ACBD6: variants seen among roughly 807,000 people sequenced by gnomAD.
ACBD6 encodes the protein acyl-CoA binding domain containing 6, also known as acyl-CoA-binding domain-containing protein 6.
In ACBD6, 28 loss-of-function variants were observed where a neutral mutation model predicts 37.2. The observed-to-expected ratio is 0.75, with a 90% CI of 0.56 to 1.03. The LOEUF is 1.03. ACBD6 is among the 50% of genes least tolerant of loss of function. The pLI, the probability that ACBD6 is intolerant of heterozygous loss-of-function variation, is 0.00. For missense variants in ACBD6, 340 were observed against 337.4 expected, an observed-to-expected ratio of 1.01 and a Z score of -0.06; for synonymous variants, 113 against 126.8, an observed-to-expected ratio of 0.89 and a Z score of 0.73.
chr1:180,444,518 T>G (rs1210139892), intron 3 of ACBD6, among the ~76,000 whole-genome samples: 1 of 152,222 alleles, frequency 6.6e-6, no homozygotes, highest in Non-Finnish European at 1.5e-5. Flanking sequence ...CCTGCCATTA[T>G]CAGATTGAAT....
chr1:180,406,471 T>C (rs1647631420), intron 5 of ACBD6, among the ~76,000 whole-genome samples: 1 of 152,128 alleles, frequency 6.6e-6, no homozygotes, highest in African/African-American at 2.4e-5. Flanking sequence ...GAATTATACT[T>C]ATGTACAATA....
At chr1:180,410,766 T>C (rs927543708) in intron 5 of ACBD6, among the ~76,000 whole-genome samples, 7 of 152,260 alleles carry the variant, frequency 4.6e-5, no homozygotes, top group African/African-American at 1.7e-4. Flanking sequence ...TGTTGTTTTC[T>C]TGTTTGCTAA....
intron 6 of ACBD6, among the ~76,000 whole-genome samples, chr1:180,362,255 T>C (rs1652880832): frequency 6.6e-6 from 1 of 152,208 alleles, no homozygotes; most frequent in South Asian, 2.1e-4. Context: ...ATTACGTGCA[T>C]TTAAAAAGTA....
At chr1:180,285,909 T>C (rs1353659427), downstream of ACBD6, among the ~76,000 whole-genome samples, 3 of 152,186 alleles carry the variant, frequency 2.0e-5, no homozygotes, top group Non-Finnish European at 4.4e-5. Context: ...GCCAGTTGGC[T>C]GACTTCTTAC....
intron 3 of ACBD6, chr1:180,435,149 G>A (rs1648972181): frequency 1.4e-6 from 1 of 710,618 alleles, no homozygotes; most frequent in African/African-American, 1.8e-5. Flanking sequence ...GGTACAAGCA[G>A]AAGCACATTA....
At chr1:180,415,258 G>A (rs879463538) in intron 4 of ACBD6, among the ~76,000 whole-genome samples, 3 of 151,292 alleles carry the variant, frequency 2.0e-5, no homozygotes, top group Admixed American at 6.6e-5. Flanking sequence ...TTAGCCAGGC[G>A]TGGTGACACG....
At chr1:180,308,406 T>C (rs1414364210) in intron 7 of ACBD6, among the ~76,000 whole-genome samples, 2 of 152,230 alleles carry the variant, frequency 1.3e-5, no homozygotes, top group Admixed American at 6.5e-5. Context: ...TTGTACTGTA[T>C]AGGTTGAGGA....
rs572471996 is a variant in ACBD6, at chr1:180,407,031, A to C, written c.573+6335T>G. On this transcript the variant is annotated intron_variant, in intron 5 of 7. Coordinates refer to ENST00000367595, the MANE Select transcript of ACBD6 (RefSeq NM_032360.4). ...TTTGCTAGAGCTTTAAATGTGATGA[A>C]GCAATACTATTTATTTTATTTTGGG... Among the ~76,000 whole-genome samples the C allele has an allele frequency of 3.9e-5, 6 of 152,212 alleles. No homozygotes were observed. The South Asian group carries it at 8.3e-4, about 21-fold the overall frequency.
intron 5 of ACBD6, among the ~76,000 whole-genome samples, chr1:180,412,444 T>C (rs1647900382): frequency 6.6e-6 from 1 of 152,214 alleles, no homozygotes; most frequent in Non-Finnish European, 1.5e-5. Flanking sequence ...CAGTAATCTT[T>C]CACAGCATCA....
intron 7 of ACBD6, among the ~76,000 whole-genome samples, chr1:180,296,119 G>T (rs933079576): frequency 6.6e-6 from 1 of 152,130 alleles, no homozygotes; most frequent in Non-Finnish European, 1.5e-5. Flanking sequence ...CCTTATTGCT[G>T]ATTTAGAAAA....
At chr1:180,460,018 A>G (rs1009599113) in intron 3 of ACBD6, among the ~76,000 whole-genome samples, 3 of 137,706 alleles carry the variant, frequency 2.2e-5, no homozygotes, top group African/African-American at 8.1e-5. Context: ...TTTAGGGTAC[A>G]TGTGCACAAC....
intron 2 of ACBD6, among the ~76,000 whole-genome samples, chr1:180,493,827 A>AT (rs1157770873): frequency 6.6e-6 from 1 of 152,156 alleles, no homozygotes; most frequent in Non-Finnish European, 1.5e-5. Flanking sequence ...CATTGTTGGT[A>AT]TTTTTTAAGA....
At position 180,502,224 on chromosome 1, in the gene ACBD6, T is replaced by C; in HGVS notation, c.43A>G (p.Ser15Gly). 6.2e-7 allele frequency: 1 copy of C among 1,613,854 alleles called. No homozygotes were observed. Among genetic ancestry groups the C allele is most frequent in the South Asian group, 1.1e-5 (1 of 91,078 alleles). Residue 15 changes from serine to glycine, a missense_variant, in exon 1 of 8, where the codon AGC (serine) becomes GGC (glycine). Physicochemically the swap from Ser to Gly is moderately conservative, Grantham distance 56. Coordinates refer to ENST00000367595, the MANE Select transcript of ACBD6 (RefSeq NM_032360.4). Reference protein sequence around the residue: ...FLPAGAITGDSGGELSSGDDS... With the variant: ...FLPAGAITGDGGGELSSGDDS... ...TCCCCTGAGCTCAGCTCTCCACCGC[T>C]GTCGCCGGTGATGGCCCCCGCGGGC...
Position 180,376,628 on chromosome 1 carries a change from C to T in ACBD6, c.663+20888G>A, listed in dbSNP as rs115328102. On this transcript the variant is annotated intron_variant, in intron 6 of 7. Transcript: ENST00000367595. Reference sequence around the variant, plus strand: ...AAAAAAAATGGGATATGAAAATGTGCACATACTCTCTCACTAGTGCAAAAT... The same window carrying T: ...AAAAAAAATGGGATATGAAAATGTGTACATACTCTCTCACTAGTGCAAAAT... Among the ~76,000 whole-genome samples, 1,063 of 152,090 alleles carry T rather than the reference C, an allele frequency of 7.0e-3. 14 individuals carry two copies. Among genetic ancestry groups the T allele is most frequent in the African/African-American group, 0.025 (1,026 of 41,464 alleles).
chr1:180,317,248 A>T (rs1342335018), intron 6 of ACBD6, among the ~76,000 whole-genome samples: 1 of 152,240 alleles, frequency 6.6e-6, no homozygotes, highest in African/African-American at 2.4e-5. Flanking sequence ...AGCTAGACAC[A>T]AAAGGACAAA....
chr1:180,422,943 T>C lies in ACBD6; in HGVS notation c.467+7237A>G, dbSNP rs114413593. On this transcript the variant is annotated intron_variant, in intron 4 of 7. Coordinates refer to ENST00000367595, the MANE Select transcript of ACBD6 (RefSeq NM_032360.4). ...TGTACTACAGTTAATTTCATGCAGT[T>C]ATGATTTAATACTGCATCTTTGCTT... 5.6e-3 allele frequency among the ~76,000 whole-genome samples: 850 copies of C among 152,342 alleles called. 8 individuals are homozygous for C. Among genetic ancestry groups the C allele is most frequent in the Non-Finnish European group, 9.7e-3 (661 of 68,018 alleles).
intron 7 of ACBD6, among the ~76,000 whole-genome samples, chr1:180,307,943 A>C (rs148809577): frequency 0.02 from 2,993 of 152,324 alleles, 101 homozygotes; most frequent in African/African-American, 0.067. Context: ...TGACAGAGCG[A>C]GACTCTGTCT....
chr1:180,469,628 T>G (rs939544842), intron 3 of ACBD6, among the ~76,000 whole-genome samples: 1 of 152,228 alleles, frequency 6.6e-6, no homozygotes, highest in Non-Finnish European at 1.5e-5. Context: ...ACAACTAAAT[T>G]GATCCCGTAA....
intron 7 of ACBD6, among the ~76,000 whole-genome samples, chr1:180,312,287 G>A (rs944056471): frequency 2.0e-5 from 3 of 151,792 alleles, no homozygotes; most frequent in Admixed American, 6.6e-5. Context: ...AAGGTTTTAC[G>A]TGCCTTTTGT....
Sources: allele counts gnomAD v4.1 joint callset (sites outside exome capture counted in the v4.1 genomes callset), GRCh38; gene constraint gnomAD v4.1.1; transcripts MANE v1.5; gene names NCBI Gene and HGNC (gene_info 2026-07-23, HGNC 2026-07-21).